AP4E1: variants seen among roughly 807,000 people sequenced by gnomAD.
AP4E1 encodes AP-4 complex subunit epsilon-1.
A neutral mutation model predicts 128.2 loss-of-function variants in AP4E1; 56 were observed. The observed-to-expected ratio is 0.44, with a 90% CI of 0.35 to 0.55. The LOEUF is 0.55. AP4E1 is among the 20% of genes least tolerant of loss of function. The probability of loss-of-function intolerance (pLI) is 0.00; values close to 1 mark genes in which losing one functional copy is unlikely to be tolerated. For synonymous variants in AP4E1, 484 were observed against 473.1 expected, an observed-to-expected ratio of 1.02 and a Z score of -0.30; for missense variants, 1,324 against 1,307.7, an observed-to-expected ratio of 1.01 and a Z score of -0.19.
chr15:50,996,463 C>T (rs1323254071), intron 17 of AP4E1, among the ~76,000 whole-genome samples: 1 of 152,000 alleles, frequency 6.6e-6, no homozygotes, highest in Non-Finnish European at 1.5e-5. Context: ...AGGTAAGAGA[C>T]AAAAATCATC....
In AP4E1 at chr15:50,997,323, C is replaced by T. The variant is rs777332501; in HGVS notation, c.2347-3C>T. ...TTTATATTATTATGTTTTATTTTTG[C>T]AGCTGGGAAAAGCAGATACTGTCTC... On this transcript the variant is annotated splice_polypyrimidine_tract_variant and splice_region_variant and intron_variant, in intron 17 of 20. Coordinates refer to ENST00000261842, the MANE Select transcript of AP4E1 (RefSeq NM_007347.5). The T allele has an allele frequency of 1.3e-6, 2 of 1,584,406 alleles. No homozygotes were observed. The highest frequency in any genetic ancestry group is 1.2e-5 in the South Asian group (1 of 84,422).
chr15:50,977,300 C>A (rs2064565081), intron 15 of AP4E1, among the ~76,000 whole-genome samples: 1 of 152,160 alleles, frequency 6.6e-6, no homozygotes, highest in Non-Finnish European at 1.5e-5. Flanking sequence ...TATTTCCTGG[C>A]ACTGCCTATT....
chr15:50,961,678 C>T (rs2064316363), intron 14 of AP4E1, among the ~76,000 whole-genome samples: 2 of 151,944 alleles, frequency 1.3e-5, no homozygotes, highest in Admixed American at 1.3e-4. Context: ...AAGGCACTTC[C>T]TCTAAGAATT....
At position 50,923,640 on chromosome 15, in the gene AP4E1, A is replaced by G. The variant is rs556274384; in HGVS notation, c.347-291A>G. Among the ~76,000 whole-genome samples, 58 of 152,340 alleles carry G rather than the reference A, an allele frequency of 3.8e-4. 1 individual carries two copies. The South Asian group carries it at 0.012, about 31-fold the overall frequency. On this transcript the variant is annotated intron_variant, in intron 3 of 20. Coordinates refer to ENST00000261842, the MANE Select transcript of AP4E1 (RefSeq NM_007347.5). The stretch of plus-strand genomic sequence containing the variant: ...GATTGATAATGTAAAGATTTGCACA[A>G]AAAATAGAAGGCATGTCTTCTTAGT...
rs2065009965 is a variant in AP4E1, at chr15:51,005,647, A to G, written c.*2985A>G. 1 of 152,580 alleles carries G rather than the reference A, an allele frequency of 6.6e-6. No homozygotes were observed. Among genetic ancestry groups the G allele is most frequent in the Non-Finnish European group, 1.5e-5 (1 of 68,038 alleles). 9.5% of individuals were successfully genotyped at this position (152,580 alleles called of 1,614,324 possible). A position where few individuals can be genotyped will look rare whatever the true frequency, so the allele number is the denominator to read the frequency against. On this transcript the variant is annotated 3_prime_UTR_variant, in exon 21 of 21. Coordinates refer to ENST00000261842, the MANE Select transcript of AP4E1 (RefSeq NM_007347.5). Reference sequence around the variant, plus strand: ...TTTATTTTTTCCTTTTATGTCAGCAATATTTTAAAATATTGATCTGTTTAT... The same window carrying G: ...TTTATTTTTTCCTTTTATGTCAGCAGTATTTTAAAATATTGATCTGTTTAT...
Position 50,923,911 on chromosome 15 carries a change from T to G in AP4E1, c.347-20T>G. ...TGTTTTTGGTAGTTAGTAATCAGAC[T>G]TTTCCCTCAACTTTTATAGGTTATT... On this transcript the variant is annotated intron_variant, in intron 3 of 20. Coordinates refer to ENST00000261842, the MANE Select transcript of AP4E1 (RefSeq NM_007347.5). 6.3e-7 allele frequency: 1 copy of G among 1,594,754 alleles called. No individual in the cohort carries two copies.
intron 8 of AP4E1, among the ~76,000 whole-genome samples, chr15:50,936,223 A>C (rs1048935573): frequency 3.3e-5 from 5 of 152,302 alleles, no homozygotes; most frequent in Admixed American, 6.5e-5. Flanking sequence ...TTTTCTGAGA[A>C]GATCTAGAAA....
Position 50,993,396 on chromosome 15 carries a change from T to A in AP4E1, c.2117T>A (p.Ile706Lys), listed in dbSNP as rs865868636. The A allele has an allele frequency of 3.7e-6, 6 of 1,613,790 alleles. No individual in the cohort carries two copies. The highest frequency in any genetic ancestry group is 5.1e-6 in the Non-Finnish European group (6 of 1,179,918). The change falls in exon 17 of 21, where the codon ATA becomes AAA. Residue 706 changes from isoleucine (I) to lysine (K), a missense_variant. Coordinates refer to ENST00000261842, the MANE Select transcript of AP4E1 (RefSeq NM_007347.5). ...KETNSLKLEG[I>K]KKLWGKEGYL... is the part of the protein sequence containing the mutation. The stretch of plus-strand genomic sequence containing the variant: ...ACAAATAGCTTGAAGCTGGAAGGTA[T>A]AAAGAAATTGTGGGGGAAAGAAGGC...
chr15:50,981,502 C>G (rs1198809770), intron 15 of AP4E1, among the ~76,000 whole-genome samples: 3 of 152,190 alleles, frequency 2.0e-5, no homozygotes, highest in African/African-American at 7.2e-5. Context: ...TGCTTTTAGT[C>G]TCACCCATAT....
Position 50,948,123 on chromosome 15 carries a change from T to G in AP4E1, c.1280T>G (p.Val427Gly). Residue 427 changes from valine (V) to glycine (G), a missense_variant, in exon 11 of 21, where the codon GTC becomes GGC. Physicochemically the swap from Val to Gly is moderately radical, Grantham distance 109. Coordinates refer to ENST00000261842, the MANE Select transcript of AP4E1 (RefSeq NM_007347.5). ...CAGAGCAAAGAAGAGTATGTCATCG[T>G]CAATTTGGTCGGCAAAATAGCAGAG... ...LHQSKEEYVI[V>G]NLVGKIAELA... The G allele has an allele frequency of 1.2e-6, 2 of 1,613,992 alleles. No individual in the cohort carries two copies. Among genetic ancestry groups the G allele is most frequent in the Non-Finnish European group, 1.7e-6 (2 of 1,179,934 alleles).
chr15:50,929,230 T>G (rs1172719928), intron 6 of AP4E1, 62 bp downstream of exon 6: 1 of 1,534,028 alleles, frequency 6.5e-7, no homozygotes, highest in African/African-American at 1.4e-5. Flanking sequence ...ATTATGGAAT[T>G]AAAAAGAAAC....
rs1165314068 is a variant in AP4E1 at position 50,912,142 on chromosome 15, C to T, written c.215C>T (p.Thr72Ile). The change falls in exon 2 of 21, where the codon ACA (threonine) becomes ATA (isoleucine). Residue 72 changes from threonine to isoleucine, a missense_variant. Coordinates refer to ENST00000261842, the MANE Select transcript of AP4E1 (RefSeq NM_007347.5). ...AAAGCGACTGTTTCTGCTCCTACTA[C>T]AACACTGGTAGGTTTGCATAGTCAG... ...SLKATVSAPTTTLKMMKECMV... is the reference protein window; with the variant it reads ...SLKATVSAPTITLKMMKECMV... 1.9e-6 allele frequency: 3 copies of T among 1,613,480 alleles called. No individual in the cohort carries two copies. In the African/African-American group the frequency reaches 4.0e-5, roughly 22 times the overall value.
chr15:50,910,487 C>T (rs1257138775), intron 1 of AP4E1, among the ~76,000 whole-genome samples: 1 of 152,032 alleles, frequency 6.6e-6, no homozygotes, highest in African/African-American at 2.4e-5. Context: ...GGGCTTAAGA[C>T]AAGTATAAGC....
chr15:50,958,494 A>G lies in AP4E1; in HGVS notation c.1551A>G (p.Val517=), dbSNP rs768066444. 4.4e-6 allele frequency: 7 copies of G among 1,608,680 alleles called. No individual in the cohort carries two copies. The highest frequency in any genetic ancestry group is 3.4e-5 in the Admixed American group (2 of 59,694). The part of the protein sequence containing the change: ...PQRFLQVMSW[V]LGEYSYLLDK... ...ATATCTCTTTGTTTTATTTACAGGT[A>G]TTAGGGGAATATTCCTACCTCTTAG... The change falls in exon 14 of 21, where the codon GTA becomes GTG. Residue 517 remains valine, a splice_region_variant and synonymous_variant. Transcript: ENST00000261842.
chr15:50,998,014 A>C (rs1417937882), intron 18 of AP4E1, 131 bp downstream of exon 18: 1 of 691,562 alleles, frequency 1.4e-6, no homozygotes, highest in Non-Finnish European at 2.4e-6. Flanking sequence ...TTAGCAAAGT[A>C]GAAGATTAAG....
intron 10 of AP4E1, chr15:50,945,632 G>A (rs2064049896): frequency 5.2e-6 from 4 of 769,604 alleles, no homozygotes; most frequent in East Asian, 2.4e-5. Context: ...CACACAAAGC[G>A]AATGCAACAT....
chr15:50,921,016 T>A (rs1412938372), intron 3 of AP4E1, among the ~76,000 whole-genome samples: 1 of 151,798 alleles, frequency 6.6e-6, no homozygotes, highest in Non-Finnish European at 1.5e-5. Context: ...TTGGCCAGGC[T>A]GGTCTCGAAC....
chr15:50,973,365 G>A (rs2064509040), intron 15 of AP4E1, among the ~76,000 whole-genome samples: 1 of 152,040 alleles, frequency 6.6e-6, no homozygotes, highest in Admixed American at 6.5e-5. Flanking sequence ...AGAAGCATTT[G>A]CTCTTTTTTG....
intron 14 of AP4E1, among the ~76,000 whole-genome samples, chr15:50,961,760 C>T (rs1008115396): frequency 4.0e-5 from 6 of 151,812 alleles, no homozygotes; most frequent in East Asian, 1.9e-4. Context: ...CTAGAGCAAT[C>T]GGGCAAAAGA....
Sources: allele counts gnomAD v4.1 joint callset (sites outside exome capture counted in the v4.1 genomes callset), GRCh38; gene constraint gnomAD v4.1.1; transcripts MANE v1.5; gene names NCBI Gene and HGNC (gene_info 2026-07-23, HGNC 2026-07-21).